Variants in ALPK1 observed in about 807,000 individuals in gnomAD.
The protein encoded by ALPK1 is alpha-protein kinase 1.
ALPK1 carries 110 observed loss-of-function variants against 120.6 expected under a neutral mutation model. The ratio of observed to expected loss-of-function variants is 0.91; its 90% CI spans 0.78 to 1.07. ALPK1 has a LOEUF of 1.07. ALPK1 is among the 50% of genes least tolerant of loss of function. ALPK1 has a pLI of 0.00. For synonymous variants in ALPK1, 582 were observed against 560.3 expected, an observed-to-expected ratio of 1.04 and a Z score of -0.55; for missense variants, 1,498 against 1,483.9, an observed-to-expected ratio of 1.01 and a Z score of -0.16.
chr4:112,423,630 G>A (rs1262635001), intron 5 of ALPK1: 3 of 470,864 alleles, frequency 6.4e-6, no homozygotes, highest in Admixed American at 5.5e-5. Flanking sequence ...TCACAGGGAG[G>A]CGGCACAGCC....
intron 2 of ALPK1, among the ~76,000 whole-genome samples, chr4:112,346,712 G>T (rs1227602717): frequency 6.6e-6 from 1 of 152,110 alleles, no homozygotes; most frequent in African/African-American, 2.4e-5. Flanking sequence ...ATGATTTCAG[G>T]GTAAGACAAA....
At chr4:112,356,410 C>A in intron 2 of ALPK1, 6 of 856,738 alleles carry the variant, frequency 7.0e-6, no homozygotes, top group Non-Finnish European at 1.2e-5. Flanking sequence ...AATGCTGCTG[C>A]TGATAATGGA....
At chr4:112,423,824 A>G (rs903782010) in intron 5 of ALPK1, 120 bp from the exon 6 acceptor site, 1 of 873,340 alleles carries the variant, frequency 1.1e-6, no homozygotes, top group Non-Finnish European at 1.9e-6. Flanking sequence ...ATAAAATGGA[A>G]TGCTTCCAAA....
chr4:112,303,733 T>C (rs1187678516), intron 1 of ALPK1, among the ~76,000 whole-genome samples: 1 of 151,990 alleles, frequency 6.6e-6, no homozygotes, highest in Non-Finnish European at 1.5e-5. Context: ...TTTTTAATCA[T>C]ACTTTAAGTT....
chr4:112,432,649 G>C, intron 11 of ALPK1, 68 bp downstream of exon 11: 1 of 1,437,176 alleles, frequency 7.0e-7, no homozygotes, highest in Non-Finnish European at 9.5e-7. Flanking sequence ...TGAAGAGCTT[G>C]GTATGTAGAT....
intron 2 of ALPK1, among the ~76,000 whole-genome samples, chr4:112,317,389 G>A (rs973091961): frequency 1.3e-5 from 2 of 152,036 alleles, no homozygotes; most frequent in African/African-American, 4.8e-5. Context: ...TTGTGTCTTT[G>A]GTCCATTATG....
chr4:112,382,472 TG>T lies in ALPK1; in HGVS notation c.198del (p.Trp66CysfsTer15), dbSNP rs754611209. On this transcript the variant is annotated frameshift_variant, in exon 4 of 16. Coordinates refer to ENST00000650871, the MANE Select transcript of ALPK1 (RefSeq NM_025144.4). LOFTEE classifies it high-confidence loss of function. ...GAAGTGGCCCTTCGTGCCTGAAAAG[TG>T]GCAGTACAAACAAGCCGTGGGCCCA... ...EMKWPFVPEK[W>X]QYKQAVGPED... is the part of the protein sequence containing the mutation. 1.9e-6 allele frequency: 3 copies of T among 1,614,094 alleles called. No homozygotes were observed. The highest frequency in any genetic ancestry group is 1.7e-6 in the Non-Finnish European group (2 of 1,180,030).
At chr4:112,320,278 T>C (rs893319244) in intron 2 of ALPK1, among the ~76,000 whole-genome samples, 3 of 152,250 alleles carry the variant, frequency 2.0e-5, no homozygotes, top group African/African-American at 4.8e-5. Flanking sequence ...TGTCAAATGC[T>C]TTTTCTGCAT....
At chr4:112,402,015 T>G (rs1732937372) in intron 4 of ALPK1, among the ~76,000 whole-genome samples, 2 of 152,216 alleles carry the variant, frequency 1.3e-5, no homozygotes, top group Non-Finnish European at 2.9e-5. Flanking sequence ...ATGTTTGGTC[T>G]TCCATTGACT....
intron 3 of ALPK1, among the ~76,000 whole-genome samples, chr4:112,379,235 A>C (rs1731795427): frequency 6.6e-6 from 1 of 152,084 alleles, no homozygotes; most frequent in Admixed American, 6.5e-5. Flanking sequence ...CTTTTTCTTC[A>C]CGAGTGCCAC....
intron 2 of ALPK1, among the ~76,000 whole-genome samples, chr4:112,373,723 A>T (rs1489556181): frequency 1.3e-5 from 2 of 152,000 alleles, no homozygotes; most frequent in East Asian, 1.9e-4. Context: ...CCCATCTCTT[A>T]AAAAAAATTA....
intron 5 of ALPK1, among the ~76,000 whole-genome samples, chr4:112,420,804 T>C (rs1012960032): frequency 1.3e-5 from 2 of 151,968 alleles, no homozygotes; most frequent in African/African-American, 4.8e-5. Context: ...TCCTTGTCTA[T>C]AAAATGCATG....
intron 2 of ALPK1, among the ~76,000 whole-genome samples, chr4:112,369,550 G>A (rs1270149889): frequency 6.6e-6 from 1 of 152,118 alleles, no homozygotes; most frequent in African/African-American, 2.4e-5. Flanking sequence ...GGGCATGGTG[G>A]TGCATGCCTG....
At chr4:112,381,599 C>T (rs959888172) in intron 3 of ALPK1, among the ~76,000 whole-genome samples, 3 of 152,188 alleles carry the variant, frequency 2.0e-5, no homozygotes, top group African/African-American at 7.2e-5. Flanking sequence ...ACATCACATT[C>T]ATGCTTCAGT....
rs1423898273 is a variant in ALPK1 at position 112,430,769 on chromosome 4, G to A, written c.1222G>A (p.Val408Ile). The A allele has an allele frequency of 1.9e-6, 3 of 1,614,228 alleles. No individual in the cohort carries two copies. Among genetic ancestry groups the A allele is most frequent in the Non-Finnish European group, 2.5e-6 (3 of 1,180,030 alleles). ...GGACAGAGAAGCTCTGTCTCAAGAAGTTATGTCTGTGATTGCCCAGGTGAA... is the reference window on the plus strand; with the variant it reads ...GGACAGAGAAGCTCTGTCTCAAGAAATTATGTCTGTGATTGCCCAGGTGAA... Reference protein sequence around the residue: ...SQDREALSQEVMSVIAQVKEH... With the variant: ...SQDREALSQEIMSVIAQVKEH... Residue 408 changes from valine to isoleucine, a missense_variant, in exon 11 of 16, where the codon GTT (valine) becomes ATT (isoleucine). Physicochemically the swap from Val to Ile is conservative, Grantham distance 29. Coordinates refer to ENST00000650871, the MANE Select transcript of ALPK1 (RefSeq NM_025144.4).
intron 1 of ALPK1, among the ~76,000 whole-genome samples, chr4:112,299,234 A>G (rs1727682907): frequency 6.6e-6 from 1 of 152,154 alleles, no homozygotes; most frequent in Admixed American, 6.5e-5. Flanking sequence ...AAAGAATATT[A>G]TCTGGTGCTA....
At chr4:112,400,301 C>T (rs1486013880) in intron 4 of ALPK1, among the ~76,000 whole-genome samples, 1 of 152,150 alleles carries the variant, frequency 6.6e-6, no homozygotes, top group African/African-American at 2.4e-5. Context: ...TGGTATCACA[C>T]TTACCAGAGA....
At chr4:112,416,271 C>T (rs1713956869) in intron 5 of ALPK1, among the ~76,000 whole-genome samples, 1 of 152,146 alleles carries the variant, frequency 6.6e-6, no homozygotes, top group South Asian at 2.1e-4. Context: ...CACTAACAAC[C>T]TTAAAATCAA....
At chr4:112,390,815 A>G (rs1470118255) in intron 4 of ALPK1, among the ~76,000 whole-genome samples, 1 of 152,180 alleles carries the variant, frequency 6.6e-6, no homozygotes. Flanking sequence ...TTTCCTGATA[A>G]AGAAATGAAG....
Sources: gnomAD v4.1 joint callset for allele counts (sites outside exome capture counted in the v4.1 genomes callset) on GRCh38, gnomAD v4.1.1 for gene constraint, MANE v1.5 for transcripts, NCBI Gene and HGNC (gene_info 2026-07-23, HGNC 2026-07-21) for gene names.